The following SPIDR variants were observed in gnomAD, a reference collection of about 807,000 sequenced individuals.
SPIDR encodes scaffold protein involved in DNA repair, also known as DNA repair-scaffolding protein.
In SPIDR, 93 loss-of-function variants were observed where a neutral mutation model predicts 104.6. The observed-to-expected ratio is 0.89, with a 90% confidence interval of 0.75 to 1.06. The LOEUF is 1.06. Among genes scored for constraint, SPIDR ranks in the 50% least tolerant of loss-of-function variants. The pLI is 0.00. For synonymous variants in SPIDR, 431 were observed against 416.9 expected, an observed-to-expected ratio of 1.03 and a Z score of -0.41; for missense variants, 1,154 against 1,111.2, an observed-to-expected ratio of 1.04 and a Z score of -0.55.
intron 14 of SPIDR, among the ~76,000 whole-genome samples, chr8:47,709,105 T>C (rs1244062950): frequency 6.6e-6 from 1 of 152,008 alleles, no homozygotes; most frequent in Non-Finnish European, 1.5e-5. Flanking sequence ...CTCGAGTAGC[T>C]GGGATTACAG....
intron 10 of SPIDR, among the ~76,000 whole-genome samples, chr8:47,654,951 C>G (rs1300623828): frequency 6.6e-6 from 1 of 152,014 alleles, no homozygotes. Flanking sequence ...TGTTCAATTC[C>G]TACCTATGAG....
chr8:47,351,439 A>G (rs1169103051), intron 5 of SPIDR, among the ~76,000 whole-genome samples: 2 of 152,232 alleles, frequency 1.3e-5, no homozygotes, highest in African/African-American at 4.8e-5. Context: ...CATTTAAAGT[A>G]GAAAATGTGG....
intron 16 of SPIDR, among the ~76,000 whole-genome samples, chr8:47,725,296 A>G (rs1035247947): frequency 1.3e-5 from 2 of 152,234 alleles, no homozygotes; most frequent in African/African-American, 4.8e-5. Context: ...TAAAGACTTA[A>G]TGGCAAACTG....
intron 5 of SPIDR, among the ~76,000 whole-genome samples, chr8:47,317,954 A>G (rs2045737309): frequency 6.6e-6 from 1 of 152,208 alleles, no homozygotes; most frequent in African/African-American, 2.4e-5. Context: ...CGTCACTATC[A>G]TCAAAGACCC....
At chr8:47,687,201 C>G (rs1173680284) in intron 11 of SPIDR, among the ~76,000 whole-genome samples, 1 of 152,114 alleles carries the variant, frequency 6.6e-6, no homozygotes, top group East Asian at 1.9e-4. Flanking sequence ...CAGTATGATC[C>G]ATAAATGTGA....
chr8:47,654,536 T>G (rs895136884), intron 10 of SPIDR, among the ~76,000 whole-genome samples: 16 of 152,174 alleles, frequency 1.1e-4, no homozygotes, highest in African/African-American at 3.6e-4. Flanking sequence ...CTGTATTCAT[T>G]GGCCTAAATA....
intron 10 of SPIDR, among the ~76,000 whole-genome samples, chr8:47,634,171 A>C (rs1024161706): frequency 6.6e-6 from 1 of 151,358 alleles, no homozygotes; most frequent in Admixed American, 6.6e-5. Context: ...CAACGAAAAA[A>C]GGGCCGGGCA....
chr8:47,497,265 T>C lies in SPIDR; in HGVS notation c.1097+56723T>C, dbSNP rs536519300. Among the ~76,000 whole-genome samples, 5 of 152,274 alleles carry C rather than the reference T, an allele frequency of 3.3e-5. No individual in the cohort carries two copies. In the South Asian group the frequency reaches 1.0e-3, roughly 32 times the overall value. ...CTGTGCGTGCTTTGGGTTTTGTTTTTTCTTATTTTTCTGGTTTCTTAAGAT... is the reference window on the plus strand; with the variant it reads ...CTGTGCGTGCTTTGGGTTTTGTTTTCTCTTATTTTTCTGGTTTCTTAAGAT... On this transcript the variant is annotated intron_variant, in intron 8 of 19. Coordinates refer to ENST00000297423, the MANE Select transcript of SPIDR (RefSeq NM_001080394.4).
chr8:47,420,131 C>G (rs1167627019), intron 7 of SPIDR, among the ~76,000 whole-genome samples: 1 of 152,076 alleles, frequency 6.6e-6, no homozygotes, highest in East Asian at 1.9e-4. Flanking sequence ...TCTATTAGGT[C>G]CACTTGGTGC....
chr8:47,549,251 G>A (rs2090033205), intron 8 of SPIDR, among the ~76,000 whole-genome samples: 1 of 152,156 alleles, frequency 6.6e-6, no homozygotes. Flanking sequence ...TGTCTTTATA[G>A]CAGCATGATT....
chr8:47,556,974 G>A (rs2091402166), intron 8 of SPIDR, among the ~76,000 whole-genome samples: 1 of 152,018 alleles, frequency 6.6e-6, no homozygotes, highest in South Asian at 2.1e-4. Context: ...GATTTCAAAG[G>A]ACACACCCTT....
chr8:47,716,290 G>A (rs377278338), intron 16 of SPIDR, among the ~76,000 whole-genome samples: 4 of 152,120 alleles, frequency 2.6e-5, no homozygotes, highest in African/African-American at 7.2e-5. Context: ...TCAGAATTCC[G>A]AGCGTAATGT....
chr8:47,667,110 G>A (rs763862331), intron 10 of SPIDR, among the ~76,000 whole-genome samples: 37 of 151,950 alleles, frequency 2.4e-4, no homozygotes, highest in South Asian at 4.2e-4. Context: ...GTGAAACCCC[G>A]TCTCTATTAA....
intron 8 of SPIDR, among the ~76,000 whole-genome samples, chr8:47,590,251 A>G (rs1431145354): frequency 2.0e-5 from 3 of 151,768 alleles, no homozygotes; most frequent in African/African-American, 7.3e-5. Flanking sequence ...TTTTTGAGGT[A>G]AGAACTTAGA....
At chr8:47,571,917 A>G (rs1286059652) in intron 8 of SPIDR, among the ~76,000 whole-genome samples, 1 of 152,242 alleles carries the variant, frequency 6.6e-6, no homozygotes, top group Admixed American at 6.5e-5. Context: ...CACAAAAAAC[A>G]AAACCGTGGA....
At chr8:47,609,079 T>C (rs1191095080) in intron 10 of SPIDR, among the ~76,000 whole-genome samples, 1 of 152,250 alleles carries the variant, frequency 6.6e-6, no homozygotes, top group East Asian at 1.9e-4. Flanking sequence ...TAGAGAAATG[T>C]CTTTCAAGTC....
intron 8 of SPIDR, among the ~76,000 whole-genome samples, chr8:47,486,464 GA>G (rs1328075408): frequency 6.6e-6 from 1 of 152,142 alleles, no homozygotes; most frequent in Non-Finnish European, 1.5e-5. Flanking sequence ...CCAACCTAGT[GA>G]GGCAGACCAA....
At chr8:47,646,271 T>C (rs1388094199) in intron 10 of SPIDR, among the ~76,000 whole-genome samples, 4 of 152,176 alleles carry the variant, frequency 2.6e-5, no homozygotes, top group Non-Finnish European at 5.9e-5. Context: ...TTTTGTTTGG[T>C]GAGGCTGAGG....
At chr8:47,447,426 C>T (rs1256807953) in intron 8 of SPIDR, among the ~76,000 whole-genome samples, 2 of 152,066 alleles carry the variant, frequency 1.3e-5, no homozygotes, top group African/African-American at 2.4e-5. Flanking sequence ...GTTGGCCAGG[C>T]TGGTGTCGAA....
Sources: gnomAD v4.1 joint callset for allele counts (sites outside exome capture counted in the v4.1 genomes callset) on GRCh38, gnomAD v4.1.1 for gene constraint, MANE v1.5 for transcripts, NCBI Gene and HGNC (gene_info 2026-07-23, HGNC 2026-07-21) for gene names.